The following CTTN variants were observed in gnomAD, a reference collection of about 807,000 sequenced individuals.
The protein encoded by CTTN is src substrate cortactin.
In CTTN, 28 loss-of-function variants were observed where a neutral mutation model predicts 84.0. The ratio of observed to expected loss-of-function variants is 0.33; its 90% CI spans 0.25 to 0.46. CTTN has a LOEUF of 0.46. Among genes scored for constraint, CTTN ranks in the 20% least tolerant of loss-of-function variants. CTTN has a pLI of 1.00. For synonymous variants in CTTN, 301 were observed against 288.8 expected, an observed-to-expected ratio of 1.04 and a Z score of -0.43; for missense variants, 641 against 723.8, an observed-to-expected ratio of 0.89 and a Z score of 1.31.
chr11:70,402,165 A>T (rs1316884830), intron 1 of CTTN, among the ~76,000 whole-genome samples: 1 of 152,194 alleles, frequency 6.6e-6, no homozygotes, highest in Non-Finnish European at 1.5e-5. Flanking sequence ...AGAAAAAAAA[A>T]GTTATTGTGT....
rs186209963 is a variant in CTTN, at chr11:70,406,953, A to G, written c.1-345A>G. ...GTGCTTTTATTTTTGGTTGGAAACTATCATCATATGATTGAACAGAACAGG... is the reference window on the plus strand; with the variant it reads ...GTGCTTTTATTTTTGGTTGGAAACTGTCATCATATGATTGAACAGAACAGG... On this transcript the variant is annotated intron_variant, in intron 2 of 17. Transcript: ENST00000301843. Among the ~76,000 whole-genome samples the G allele has an allele frequency of 3.5e-4, 53 of 152,342 alleles. No homozygotes were observed. In the South Asian group the frequency reaches 6.0e-3, roughly 17 times the overall value.
intron 6 of CTTN, among the ~76,000 whole-genome samples, chr11:70,414,865 C>T (rs1284374812): frequency 1.3e-5 from 2 of 152,140 alleles, no homozygotes; most frequent in African/African-American, 2.4e-5. Flanking sequence ...GCAGTCCCTG[C>T]GGTCGCTCTT....
intron 12 of CTTN, 127 bp downstream of exon 12, chr11:70,423,122 T>A: frequency 8.6e-7 from 1 of 1,164,198 alleles, no homozygotes; most frequent in Non-Finnish European, 1.2e-6. Context: ...GTGGTGGTGG[T>A]GGTGGTGGCG....
At chr11:70,418,010 C>T (rs1015671558) in intron 8 of CTTN, among the ~76,000 whole-genome samples, 1 of 152,162 alleles carries the variant, frequency 6.6e-6, no homozygotes, top group African/African-American at 2.4e-5. Flanking sequence ...CCCAGGGCTG[C>T]AGAGGCTGTG....
chr11:70,418,618 C>G (rs1368063555), intron 8 of CTTN, among the ~76,000 whole-genome samples: 2 of 152,170 alleles, frequency 1.3e-5, no homozygotes, highest in African/African-American at 4.8e-5. Flanking sequence ...GTCCTATTTC[C>G]TGGCATCCCC....
chr11:70,410,071 T>C (rs1339425506), intron 5 of CTTN, 111 bp downstream of exon 5: 3 of 1,184,772 alleles, frequency 2.5e-6, no homozygotes, highest in Non-Finnish European at 3.7e-6. Flanking sequence ...TGAGTCCATC[T>C]GCTGAGGTTG....
At position 70,419,079 on chromosome 11, in the gene CTTN, C is replaced by T. The variant is rs1278889372; in HGVS notation, c.569-667C>T. Among the ~76,000 whole-genome samples, 17 of 148,366 alleles carry T rather than the reference C, an allele frequency of 1.1e-4. No homozygotes were observed. In the East Asian group the frequency reaches 3.4e-3, roughly 29 times the overall value. ...TGTGAGCCACTGTGTCCAGCCTCTG[C>T]TGTACTTTAAAAAAAAAAACTTTTT... On this transcript the variant is annotated intron_variant, in intron 8 of 17. Transcript: ENST00000301843.
intron 6 of CTTN, among the ~76,000 whole-genome samples, chr11:70,414,885 C>T (rs1422141411): frequency 6.6e-6 from 1 of 152,222 alleles, no homozygotes; most frequent in Non-Finnish European, 1.5e-5. Context: ...TCACTACGTG[C>T]CTCAGTACTG....
At position 70,435,116 on chromosome 11, in the gene CTTN, GC is replaced by G; in HGVS notation, c.1609del (p.Arg537GlyfsTer54). 1 of 1,613,644 alleles carries G rather than the reference GC, an allele frequency of 6.2e-7. No individual in the cohort carries two copies. The highest frequency in any genetic ancestry group is 8.5e-7 in the Non-Finnish European group (1 of 1,180,024). ...GGCTGGTGGCGCGGGGTGTGCAAGGGCCGGTACGGGCTCTTCCCAGCCAACT... is the reference window on the plus strand; with the variant it reads ...GGCTGGTGGCGCGGGGTGTGCAAGGGCGGTACGGGCTCTTCCCAGCCAACT... ...DDGWWRGVCKGRYGLFPANYV... is the reference protein window; with the variant it reads ...DDGWWRGVCKXRYGLFPANYV... On this transcript the variant is annotated frameshift_variant, in exon 18 of 18. Transcript: ENST00000301843. LOFTEE classifies it high-confidence loss of function.
chr11:70,435,115 G>A lies in CTTN; in HGVS notation c.1606G>A (p.Gly536Ser), dbSNP rs759089020. Residue 536 changes from glycine (G) to serine (S), a missense_variant, in exon 18 of 18, where the codon GGC becomes AGC. Coordinates refer to ENST00000301843, the MANE Select transcript of CTTN (RefSeq NM_005231.4). ...CGGCTGGTGGCGCGGGGTGTGCAAG[G>A]GCCGGTACGGGCTCTTCCCAGCCAA... is the stretch of plus-strand genomic sequence containing the variant. ...DDGWWRGVCK[G>S]RYGLFPANYV... The A allele has an allele frequency of 2.5e-6, 4 of 1,613,720 alleles. No homozygotes were observed. Among genetic ancestry groups the A allele is most frequent in the Non-Finnish European group, 3.4e-6 (4 of 1,180,022 alleles).
chr11:70,426,189 C>T (rs573692327), intron 13 of CTTN, among the ~76,000 whole-genome samples: 100 of 152,248 alleles, frequency 6.6e-4, no homozygotes, highest in African/African-American at 2.2e-3. Flanking sequence ...GGGCGGATCA[C>T]GAGGTCAGGA....
chr11:70,423,399 C>T (rs1009269894), intron 12 of CTTN, among the ~76,000 whole-genome samples: 7 of 152,224 alleles, frequency 4.6e-5, no homozygotes, highest in African/African-American at 7.2e-5. Flanking sequence ...GCTGCGTGTG[C>T]GGTGATGAGC....
At chr11:70,422,617 T>A in intron 11 of CTTN, 1 of 1,343,020 alleles carries the variant, frequency 7.4e-7, no homozygotes, top group African/African-American at 1.5e-5. Context: ...GCTATTGAAG[T>A]GGCGCGTTGC....
At chr11:70,420,585 G>A (rs748763634) in intron 10 of CTTN, 75 bp downstream of exon 10, 31 of 1,071,888 alleles carry the variant, frequency 2.9e-5, no homozygotes, top group Non-Finnish European at 4.2e-5. Context: ...GTTGGTATGT[G>A]TTGTGTCTGC....
In CTTN at chr11:70,429,116, G is replaced by A; in HGVS notation, c.1093G>A (p.Asp365Asn). Residue 365 changes from aspartate (D) to asparagine (N), a missense_variant, in exon 14 of 18, where the codon GAC becomes AAC. Physicochemically the swap from Asp to Asn is conservative, Grantham distance 23. Transcript: ENST00000301843. ...CCTCGCTAAGGAGAAAGAGCAGGAG[G>A]ACAGGCGGAAGGCGGAGGCGGAGAG... ...ENLAKEKEQEDRRKAEAERAQ... is the reference protein window; with the variant it reads ...ENLAKEKEQENRRKAEAERAQ... 6.2e-7 allele frequency: 1 copy of A among 1,614,198 alleles called. No homozygotes were observed. The highest frequency in any genetic ancestry group is 8.5e-7 in the Non-Finnish European group (1 of 1,180,046).
intron 9 of CTTN, 22 bp downstream of exon 9, chr11:70,419,878 C>T (rs753897781): frequency 9.3e-5 from 147 of 1,579,004 alleles, no homozygotes; most frequent in Non-Finnish European, 1.2e-4. Flanking sequence ...TTTATCTTAC[C>T]CTCCAGCCAG....
chr11:70,414,433 G>C (rs1256025896), intron 5 of CTTN, 109 bp from the exon 6 acceptor site: 1 of 743,838 alleles, frequency 1.3e-6, no homozygotes, highest in Admixed American at 2.4e-5. Flanking sequence ...TTAATGTAAG[G>C]TTTCCCTGCA....
chr11:70,402,038 A>G (rs112140926), intron 1 of CTTN, among the ~76,000 whole-genome samples: 18 of 152,140 alleles, frequency 1.2e-4, no homozygotes, highest in Non-Finnish European at 1.2e-4. Context: ...CTGTAATCCC[A>G]GCTACTCGGG....
rs2058150581 is a variant in CTTN at position 70,415,737 on chromosome 11, G to C, written c.457+20G>C. ...AGAAAGGTAAGACGCGAAAGGTGCA[G>C]AAAGAGCCCGCTCCGGGGGCCCCGA... On this transcript the variant is annotated intron_variant, in intron 7 of 17. Transcript: ENST00000301843. The C allele has an allele frequency of 6.2e-7, 1 of 1,613,646 alleles. No homozygotes were observed. Among genetic ancestry groups the C allele is most frequent in the Admixed American group, 1.7e-5 (1 of 60,012 alleles).
Sources: gnomAD v4.1 joint callset for allele counts (sites outside exome capture counted in the v4.1 genomes callset) on GRCh38, gnomAD v4.1.1 for gene constraint, MANE v1.5 for transcripts, NCBI Gene and HGNC (gene_info 2026-07-23, HGNC 2026-07-21) for gene names.